Variants in TNRC6B observed in about 807,000 individuals in gnomAD.
TNRC6B encodes the protein trinucleotide repeat containing adaptor 6B, also known as trinucleotide repeat-containing gene 6B protein.
TNRC6B carries 52 observed loss-of-function variants against 203.6 expected under a neutral mutation model. That is an observed-to-expected ratio of 0.26 (90% CI 0.20 to 0.32). The LOEUF (loss-of-function observed/expected upper bound fraction) is 0.32, where lower values mean the gene tolerates loss of function less well. Among genes scored for constraint, TNRC6B ranks in the 10% least tolerant of loss-of-function variants. TNRC6B has a pLI of 1.00. For missense variants in TNRC6B, 1,923 were observed against 2,286.2 expected, an observed-to-expected ratio of 0.84 and a Z score of 3.24; for synonymous variants, 838 against 845.7, an observed-to-expected ratio of 0.99 and a Z score of 0.16.
chr22:40,313,008 G>C lies in TNRC6B; in HGVS notation c.4678+11G>C. ...TTCATAGCACTTCAGGTATGAGTGT[G>C]AATTTTTTGTTTCCCTTTGGTTAGC... On this transcript the variant is annotated intron_variant, in intron 19 of 22. Transcript: ENST00000454349. 6.2e-7 allele frequency: 1 copy of C among 1,608,228 alleles called. No individual in the cohort carries two copies. Among genetic ancestry groups the C allele is most frequent in the Non-Finnish European group, 8.5e-7 (1 of 1,175,914 alleles).
intron 1 of TNRC6B, among the ~76,000 whole-genome samples, chr22:40,217,044 C>T (rs2069644868): frequency 6.6e-6 from 1 of 152,104 alleles, no homozygotes; most frequent in Non-Finnish European, 1.5e-5. Flanking sequence ...TGCAGCTGTA[C>T]CTTTGTCTTC....
chr22:40,298,096 G>A (rs2070969944), intron 12 of TNRC6B, among the ~76,000 whole-genome samples: 1 of 151,898 alleles, frequency 6.6e-6, no homozygotes, highest in Non-Finnish European at 1.5e-5. Context: ...CTGCACTCCA[G>A]CCTGAGCAAC....
At position 40,331,709 on chromosome 22, in the gene TNRC6B, T is replaced by G. The variant is rs1029531706; in HGVS notation, c.*8468T>G. On this transcript the variant is annotated 3_prime_UTR_variant, in exon 23 of 23. Transcript: ENST00000454349. Reference sequence around the variant, plus strand: ...CCCACATGTGGTCATCGTCGCTTCTTTATGTTGTAAGGTGAATTGTAACTA... The same window carrying G: ...CCCACATGTGGTCATCGTCGCTTCTGTATGTTGTAAGGTGAATTGTAACTA... 3.6e-5 allele frequency: 14 copies of G among 388,614 alleles called. No individual in the cohort carries two copies. 24.1% of individuals were successfully genotyped at this position (388,614 alleles called of 1,614,324 possible). A position where few individuals can be genotyped will look rare whatever the true frequency, so the allele number is the denominator to read the frequency against.
intron 1 of TNRC6B, among the ~76,000 whole-genome samples, chr22:40,063,936 C>T (rs965882249): frequency 5.3e-5 from 8 of 152,106 alleles, no homozygotes; most frequent in African/African-American, 1.4e-4. Context: ...CTCCTGGGCT[C>T]GAGTGATCCT....
intron 21 of TNRC6B, among the ~76,000 whole-genome samples, chr22:40,317,748 A>G (rs1411113254): frequency 1.3e-5 from 2 of 152,192 alleles, no homozygotes; most frequent in Non-Finnish European, 2.9e-5. Flanking sequence ...TGGTTGCTAG[A>G]TAACTGAGGT....
intron 21 of TNRC6B, among the ~76,000 whole-genome samples, chr22:40,316,940 G>A (rs1285071936): frequency 2.0e-5 from 3 of 152,172 alleles, no homozygotes; most frequent in African/African-American, 7.2e-5. Flanking sequence ...AAACAGAGTA[G>A]GGTGGTATTT....
intron 1 of TNRC6B, among the ~76,000 whole-genome samples, chr22:40,099,760 T>C (rs1170721303): frequency 2.0e-5 from 3 of 152,216 alleles, no homozygotes; most frequent in Non-Finnish European, 4.4e-5. Context: ...TTTTATTTAT[T>C]TATTTTTTGA....
chr22:40,098,973 C>G (rs931214882), intron 1 of TNRC6B, among the ~76,000 whole-genome samples: 1 of 151,986 alleles, frequency 6.6e-6, no homozygotes, highest in Non-Finnish European at 1.5e-5. Flanking sequence ...AAAGTAGGAC[C>G]AGGCACGGTG....
intron 3 of TNRC6B, among the ~76,000 whole-genome samples, chr22:40,151,464 G>A (rs1484424828): frequency 4.0e-5 from 6 of 150,996 alleles, no homozygotes; most frequent in Non-Finnish European, 7.4e-5. Flanking sequence ...CTCTTGAAGC[G>A]GAGAAGCAGA....
At chr22:40,234,218 T>G (rs1184479874) in intron 1 of TNRC6B, among the ~76,000 whole-genome samples, 4 of 152,164 alleles carry the variant, frequency 2.6e-5, no homozygotes, top group African/African-American at 9.7e-5. Context: ...CCCAGGAGTT[T>G]GAGGCTGCAG....
intron 2 of TNRC6B, among the ~76,000 whole-genome samples, chr22:40,120,876 G>C (rs1262121469): frequency 2.6e-5 from 4 of 152,164 alleles, no homozygotes; most frequent in Non-Finnish European, 1.5e-5. Context: ...CCACTAGTCT[G>C]GGATAGACCT....
rs886376989 is a variant in TNRC6B, at chr22:40,335,073, C to A, written c.*11832C>A. The A allele has an allele frequency of 6.8e-6, 1 of 147,626 alleles. No individual in the cohort carries two copies. Among genetic ancestry groups the A allele is most frequent in the African/African-American group, 2.5e-5 (1 of 39,652 alleles). The allele number at this position is 147,626 out of a possible 1,614,324, so 9.1% of individuals were successfully genotyped here. A position where few individuals can be genotyped will look rare whatever the true frequency, so the allele number is the denominator to read the frequency against. On this transcript the variant is annotated 3_prime_UTR_variant, in exon 23 of 23. Coordinates refer to ENST00000454349, the MANE Select transcript of TNRC6B (RefSeq NM_001162501.2). ...TGCTTTTACGATATTATTTTGGTGGCTTTCTTTTCTCTCTTTGATGGGCAA... is the reference window on the plus strand; with the variant it reads ...TGCTTTTACGATATTATTTTGGTGGATTTCTTTTCTCTCTTTGATGGGCAA...
intron 1 of TNRC6B, among the ~76,000 whole-genome samples, chr22:40,228,646 A>G (rs1471100262): frequency 1.3e-5 from 2 of 149,676 alleles, no homozygotes; most frequent in Non-Finnish European, 3.0e-5. Flanking sequence ...CAGCCTCCCG[A>G]GTAGCTGGGA....
At chr22:40,173,073 C>G (rs2069017653), upstream of TNRC6B, among the ~76,000 whole-genome samples, 1 of 152,072 alleles carries the variant, frequency 6.6e-6, no homozygotes, top group South Asian at 2.1e-4. Context: ...ACAGAATTAT[C>G]TACATTTATT....
At chr22:40,142,119 G>C (rs1260482047) in intron 3 of TNRC6B, among the ~76,000 whole-genome samples, 2 of 151,720 alleles carry the variant, frequency 1.3e-5, no homozygotes, top group Non-Finnish European at 2.9e-5. Context: ...GAGTGCAGTG[G>C]TGTGATTATA....
chr22:40,106,564 A>G, intron 1 of TNRC6B: 1 of 730,028 alleles, frequency 1.4e-6, no homozygotes, highest in Admixed American at 1.8e-5. Context: ...CTGTCAAAGC[A>G]ATTCGCTTCT....
chr22:40,250,506 A>G (rs1025142335), intron 2 of TNRC6B, among the ~76,000 whole-genome samples: 3 of 152,142 alleles, frequency 2.0e-5, no homozygotes, highest in Non-Finnish European at 4.4e-5. Flanking sequence ...CAAAATTTAC[A>G]TATTTCAATC....
At chr22:40,311,617 C>T (rs570850965) in intron 17 of TNRC6B, among the ~76,000 whole-genome samples, 1 of 151,904 alleles carries the variant, frequency 6.6e-6, no homozygotes, top group Non-Finnish European at 1.5e-5. Flanking sequence ...TCTTGGTTCA[C>T]TGCAAGCTCT....
intron 3 of TNRC6B, among the ~76,000 whole-genome samples, chr22:40,150,743 C>T (rs143922994): frequency 1.1e-4 from 16 of 152,150 alleles, no homozygotes; most frequent in Non-Finnish European, 2.1e-4. Context: ...ATTCCCAGAA[C>T]ACTGAAAGCC....
Sources: allele counts gnomAD v4.1 joint callset (sites outside exome capture counted in the v4.1 genomes callset), GRCh38; gene constraint gnomAD v4.1.1; transcripts MANE v1.5; gene names NCBI Gene and HGNC (gene_info 2026-07-23, HGNC 2026-07-21).